Variants in GNAL observed in about 807,000 individuals in gnomAD.
GNAL encodes guanine nucleotide-binding protein G(olf) subunit alpha.
In GNAL, 18 loss-of-function variants were observed where a neutral mutation model predicts 55.1. The ratio of observed to expected loss-of-function variants is 0.33; its 90% confidence interval spans 0.23 to 0.48. The LOEUF (loss-of-function observed/expected upper bound fraction) is 0.48. Ranked by LOEUF, GNAL falls within the 20% of genes least tolerant of loss-of-function variation. The probability of loss-of-function intolerance (pLI) is 0.99; values close to 1 mark genes in which losing one functional copy is unlikely to be tolerated. For synonymous variants in GNAL, 253 were observed against 237.0 expected (o/e 1.07, Z -0.62); for missense variants, 412 against 614.1 (o/e 0.67, Z 3.48).
intron 7 of GNAL, among the ~76,000 whole-genome samples, chr18:11,866,351 G>A (rs537668249): frequency 1.1e-4 from 17 of 150,470 alleles, no homozygotes; most frequent in South Asian, 4.1e-4. Context: ...AATCTAGCCC[G>A]TGTGGTCCTA....
intron 5 of GNAL, among the ~76,000 whole-genome samples, chr18:11,856,602 A>T (rs1441238531): frequency 6.6e-6 from 1 of 151,470 alleles, no homozygotes; most frequent in East Asian, 1.9e-4. Flanking sequence ...GAGAAATGCC[A>T]GGACAAACAA....
At chr18:11,719,711 C>G (rs1162822348) in intron 1 of GNAL, among the ~76,000 whole-genome samples, 2 of 152,350 alleles carry the variant, frequency 1.3e-5, no homozygotes, top group East Asian at 3.9e-4. Context: ...ATGCCTCACC[C>G]TGGAAGAACG....
chr18:11,847,699 T>C lies in GNAL; in HGVS notation c.723-14696T>C, dbSNP rs542741939. 8.5e-5 allele frequency among the ~76,000 whole-genome samples: 13 copies of C among 152,334 alleles called. No individual in the cohort carries two copies. In the East Asian group the frequency reaches 2.5e-3, roughly 29 times the overall value. On this transcript the variant is annotated intron_variant, in intron 5 of 11. Coordinates refer to ENST00000334049, the MANE Select transcript of GNAL (RefSeq NM_182978.4). ...CAAGGTTTCAATGTTAACGTGGTAG[T>C]TGCTAAACAATTCCAGTCATTATAA...
intron 1 of GNAL, among the ~76,000 whole-genome samples, chr18:11,731,154 G>A (rs9959548): frequency 7.2e-5 from 11 of 152,290 alleles, no homozygotes; most frequent in Admixed American, 5.2e-4. Flanking sequence ...TTTTGTTGTT[G>A]TTGTTGTTTT....
chr18:11,735,813 G>A (rs547177016), intron 1 of GNAL, among the ~76,000 whole-genome samples: 22 of 150,650 alleles, frequency 1.5e-4, no homozygotes, highest in African/African-American at 4.9e-4. Context: ...AGGAAAGGAA[G>A]GAAGGAAGGA....
intron 1 of GNAL, among the ~76,000 whole-genome samples, chr18:11,716,338 T>C (rs2031965282): frequency 6.6e-6 from 1 of 152,288 alleles, no homozygotes; most frequent in East Asian, 1.9e-4. Context: ...GGTGGGTTCG[T>C]GGTCTCACTG....
At chr18:11,855,750 A>T (rs1213836881) in intron 5 of GNAL, among the ~76,000 whole-genome samples, 1 of 152,162 alleles carries the variant, frequency 6.6e-6, no homozygotes, top group Non-Finnish European at 1.5e-5. Flanking sequence ...AGGCAGGCAG[A>T]TCATCTGAGG....
At chr18:11,869,277 GGGACTACA>G (rs1406246536) in intron 9 of GNAL, among the ~76,000 whole-genome samples, 4 of 152,052 alleles carry the variant, frequency 2.6e-5, no homozygotes, top group Admixed American at 1.3e-4. Context: ...CTGAGTAGCT[GGGACTACA>G]GGCGCCCTCC....
chr18:11,733,196 C>G (rs757985737), intron 1 of GNAL, among the ~76,000 whole-genome samples: 1 of 152,202 alleles, frequency 6.6e-6, no homozygotes, highest in African/African-American at 2.4e-5. Flanking sequence ...CACCAAGCTG[C>G]GCCCGGGCGC....
intron 1 of GNAL, among the ~76,000 whole-genome samples, chr18:11,713,804 T>C (rs1418271105): frequency 2.0e-5 from 3 of 152,170 alleles, no homozygotes; most frequent in African/African-American, 7.2e-5. Flanking sequence ...TCCTGGAGCA[T>C]AAAATGAAGA....
chr18:11,846,464 T>TACACAC (rs57334090), intron 5 of GNAL, among the ~76,000 whole-genome samples: 1,846 of 140,020 alleles, frequency 0.013, 39 homozygotes, highest in African/African-American at 0.042. Flanking sequence ...TATATAAATA[T>TACACAC]ACACACACAC....
At chr18:11,841,750 G>A (rs1474311384) in intron 5 of GNAL, among the ~76,000 whole-genome samples, 1 of 152,112 alleles carries the variant, frequency 6.6e-6, no homozygotes, top group African/African-American at 2.4e-5. Context: ...CCCAACTGCG[G>A]GGATCCTTCC....
In GNAL at chr18:11,775,762, G is replaced by A. The variant is rs1020596222; in HGVS notation, c.624+21817G>A. Among the ~76,000 whole-genome samples, 5 of 152,358 alleles carry A rather than the reference G, an allele frequency of 3.3e-5. No homozygotes were observed. The East Asian group carries it at 9.6e-4, about 29-fold the overall frequency. On this transcript the variant is annotated intron_variant, in intron 4 of 11. Transcript: ENST00000334049. ...TACAGTGACTGACGCAAGATCCTAT[G>A]TCCTCAAGGAGAGAGAGGAGGTGAA... is the stretch of plus-strand genomic sequence containing the variant.
rs770188744 is a variant in GNAL, at chr18:11,880,976, C to G, written c.1231-13C>G. ...GGGCCGCGCAGGGCTAGTGCACACGCTCTCTCTTGCAGAGGATCAGCACGG... is the reference window on the plus strand; with the variant it reads ...GGGCCGCGCAGGGCTAGTGCACACGGTCTCTCTTGCAGAGGATCAGCACGG... On this transcript the variant is annotated splice_polypyrimidine_tract_variant and intron_variant, in intron 11 of 11. Coordinates refer to ENST00000334049, the MANE Select transcript of GNAL (RefSeq NM_182978.4). 1.2e-6 allele frequency: 2 copies of G among 1,612,760 alleles called. No individual in the cohort carries two copies. The highest frequency in any genetic ancestry group is 8.5e-7 in the Non-Finnish European group (1 of 1,179,170).
chr18:11,794,750 C>T (rs1347145976), intron 4 of GNAL, among the ~76,000 whole-genome samples: 1 of 110,858 alleles, frequency 9.0e-6, no homozygotes, highest in African/African-American at 3.5e-5. Flanking sequence ...CAATTAAAAA[C>T]ACACAGGTTA....
chr18:11,876,680 C>A lies in GNAL; in HGVS notation c.1222C>A (p.Leu408Met), dbSNP rs372185532. ...VTRAKFFIRD[L>M]FLRISTATGD... ...AAGAGCCAAGTTCTTTATCCGGGAC[C>A]TGTTTTTGGTAAGCAATTTTGTTAA... Residue 408 changes from leucine to methionine, a missense_variant, in exon 11 of 12, where the codon CTG (leucine) becomes ATG (methionine). Coordinates refer to ENST00000334049, the MANE Select transcript of GNAL (RefSeq NM_182978.4). The A allele has an allele frequency of 2.5e-6, 4 of 1,596,018 alleles. No individual in the cohort carries two copies. The highest frequency in any genetic ancestry group is 2.7e-5 in the African/African-American group (2 of 74,606).
chr18:11,722,027 A>T (rs923112228), intron 1 of GNAL, among the ~76,000 whole-genome samples: 2 of 152,212 alleles, frequency 1.3e-5, no homozygotes, highest in African/African-American at 4.8e-5. Flanking sequence ...CCTTGAATAA[A>T]CAGTAACAAC....
At chr18:11,698,384 G>GCAA (rs773471025) in intron 1 of GNAL, among the ~76,000 whole-genome samples, 5 of 151,772 alleles carry the variant, frequency 3.3e-5, no homozygotes, top group Non-Finnish European at 5.9e-5. Context: ...CCAGCTACTT[G>GCAA]GGAGGCTGAG....
intron 1 of GNAL, among the ~76,000 whole-genome samples, chr18:11,748,759 A>G (rs2032746407): frequency 6.6e-6 from 1 of 152,164 alleles, no homozygotes; most frequent in Admixed American, 6.5e-5. Flanking sequence ...AAATCTTGAC[A>G]TTAAAAAAAA....
Sources: allele counts gnomAD v4.1 joint callset (sites outside exome capture counted in the v4.1 genomes callset), GRCh38; gene constraint gnomAD v4.1.1; transcripts MANE v1.5; gene names NCBI Gene and HGNC (gene_info 2026-07-23, HGNC 2026-07-21).